TEP1: variants seen among roughly 807,000 people sequenced by gnomAD.
TEP1 encodes the protein telomerase protein component 1.
TEP1 carries 241 observed loss-of-function variants against 306.3 expected under a neutral mutation model. The observed-to-expected ratio is 0.79, with a 90% confidence interval of 0.71 to 0.88. The LOEUF is 0.88. TEP1 is among the 40% of genes least tolerant of loss of function. The probability of loss-of-function intolerance (pLI) is 0.00; values close to 1 mark genes in which losing one functional copy is unlikely to be tolerated. For missense variants in TEP1, 3,051 were observed against 3,276.1 expected (o/e 0.93, Z 1.68); for synonymous variants, 1,289 against 1,305.5 (o/e 0.99, Z 0.27).
rs1884455657 is a variant in TEP1 at position 20,365,956 on chromosome 14, T to C, written c.*2481A>G. On this transcript the variant is annotated 3_prime_UTR_variant, in exon 55 of 55. Coordinates refer to ENST00000262715, the MANE Select transcript of TEP1 (RefSeq NM_007110.5). ...GGTCTCACAATCCAGTGGTTATAAC[T>C]GTAAAACTCATCCAGCCTTTGGGAG... 1 of 152,252 alleles carries C rather than the reference T, an allele frequency of 6.6e-6. No individual in the cohort carries two copies. The highest frequency in any genetic ancestry group is 2.4e-5 in the African/African-American group (1 of 41,468). 9.4% of individuals were successfully genotyped at this position (152,252 alleles called of 1,614,324 possible).
rs1878935920 is a variant in TEP1, at chr14:20,403,632, T to A, written c.1194+91A>T. The A allele has an allele frequency of 5.6e-6, 9 of 1,597,510 alleles. No homozygotes were observed. In the South Asian group the frequency reaches 1.0e-4, roughly 18 times the overall value. On this transcript the variant is annotated intron_variant, in intron 6 of 54. Transcript: ENST00000262715. ...GCATTTCTCTGACTCCCTTTGCTCC[T>A]GGTGTGGGACTCCCCAGCATCAGCA...
In TEP1 at chr14:20,396,728, T is replaced by C. The variant is rs753832465; in HGVS notation, c.1552A>G (p.Asn518Asp). ...ATGGCCATGAAGGGAAGCTTCCCAT[T>C]TTCTGTGGAATGTGGGGCATAGAGT... ...KASVWEELIE[N>D]GKLPFMAMLR... The change falls in exon 10 of 55, where the codon AAT becomes GAT. Residue 518 changes from asparagine to aspartate, a missense_variant and splice_region_variant. By Grantham distance (23) the Asn-to-Asp change is conservative. This residue lies in a region of TEP1 where 1,507 missense variants were observed against 1,550.5 expected (regional missense o/e 0.97). Transcript: ENST00000262715. 6.2e-7 allele frequency: 1 copy of C among 1,603,242 alleles called. No homozygotes were observed. The highest frequency in any genetic ancestry group is 1.1e-5 in the South Asian group (1 of 90,014).
chr14:20,385,256 TG>T (rs1257985830), intron 20 of TEP1, 147 bp from the exon 21 acceptor site: 5 of 970,740 alleles, frequency 5.2e-6, no homozygotes, highest in East Asian at 2.7e-5. Flanking sequence ...TAATAGCTAA[TG>T]TTTTTTATTT....
At chr14:20,388,915 T>C (rs563272661) in intron 17 of TEP1, among the ~76,000 whole-genome samples, 6 of 152,122 alleles carry the variant, frequency 3.9e-5, no homozygotes. Context: ...TTTGGGAGGC[T>C]GAGGTGGGTG....
chr14:20,389,543 G>T (rs1363698502), intron 16 of TEP1, 67 bp downstream of exon 16: 2 of 1,590,610 alleles, frequency 1.3e-6, no homozygotes, highest in Non-Finnish European at 1.7e-6. Context: ...CTATGCTTTG[G>T]CAGGCGTAGA....
At chr14:20,387,284 C>A (rs1317630456) in intron 18 of TEP1, among the ~76,000 whole-genome samples, 1 of 147,414 alleles carries the variant, frequency 6.8e-6, no homozygotes, top group Non-Finnish European at 1.5e-5. Context: ...CGATGGCTCA[C>A]GCCTGTAATC....
intron 20 of TEP1, among the ~76,000 whole-genome samples, chr14:20,385,310 A>G (rs886302725): frequency 1.3e-5 from 2 of 152,048 alleles, no homozygotes; most frequent in Non-Finnish European, 2.9e-5. Flanking sequence ...AATAGCTAAC[A>G]TTCATTGAAT....
At position 20,381,487 on chromosome 14, in the gene TEP1, G is replaced by A. The variant is rs1876523521; in HGVS notation, c.4558+66C>T. The A allele has an allele frequency of 6.2e-7, 1 of 1,612,396 alleles. No homozygotes were observed. Among genetic ancestry groups the A allele is most frequent in the Non-Finnish European group, 8.5e-7 (1 of 1,179,824 alleles). ...GCTGGCCAGCAGATGGGAGCACAGT[G>A]GGTGGTCCTGGCCTCCAGGCCCAAG... On this transcript the variant is annotated intron_variant, in intron 31 of 54. Coordinates refer to ENST00000262715, the MANE Select transcript of TEP1 (RefSeq NM_007110.5). The surrounding 1 kb of genome is among the most constrained non-coding windows in gnomAD (Gnocchi z 4.0).
At position 20,404,504 on chromosome 14, in the gene TEP1, G is replaced by A. The variant is rs951525578; in HGVS notation, c.1032+107C>T. 29 of 1,401,714 alleles carry A rather than the reference G, an allele frequency of 2.1e-5. No individual in the cohort carries two copies. The Admixed American group carries it at 2.5e-4, about 12-fold the overall frequency. The allele number at this position is 1,401,714 out of a possible 1,614,324, so 86.8% of individuals were successfully genotyped here. A position where few individuals can be genotyped will look rare whatever the true frequency, so the allele number is the denominator to read the frequency against. ...GTCCTGTCTGGGCACCAATGCTGAGGAAAGCTGAGGGGAAACCAAATTGCC... is the reference window on the plus strand; with the variant it reads ...GTCCTGTCTGGGCACCAATGCTGAGAAAAGCTGAGGGGAAACCAAATTGCC... On this transcript the variant is annotated intron_variant, in intron 5 of 54. Transcript: ENST00000262715.
intron 2 of TEP1, 84 bp downstream of exon 2, chr14:20,407,789 G>A: frequency 8.0e-7 from 1 of 1,243,230 alleles, no homozygotes; most frequent in Non-Finnish European, 1.1e-6. Flanking sequence ...GAGCAGCACA[G>A]AGGGAAACTG....
chr14:20,385,651 G>A lies in TEP1; in HGVS notation c.2982+424C>T, dbSNP rs999778597. Among the ~76,000 whole-genome samples, 6 of 152,218 alleles carry A rather than the reference G, an allele frequency of 3.9e-5. 1 individual carries two copies. The highest frequency in any genetic ancestry group is 8.8e-5 in the Non-Finnish European group (6 of 68,042). On this transcript the variant is annotated intron_variant, in intron 20 of 54. Transcript: ENST00000262715. Reference sequence around the variant, plus strand: ...GTCTCCCAAACTGCTGGGATTATAGGCGTGAGCCACTGCACCTGGCCCTGT... The same window carrying A: ...GTCTCCCAAACTGCTGGGATTATAGACGTGAGCCACTGCACCTGGCCCTGT...
At chr14:20,368,658 C>A in intron 54 of TEP1, 99 bp from the exon 55 acceptor site, 1 of 1,562,312 alleles carries the variant, frequency 6.4e-7, no homozygotes, top group South Asian at 1.1e-5. Flanking sequence ...ACAGGTTAGT[C>A]ATACATTGCA....
chr14:20,412,892 T>C (rs555272032), intron 1 of TEP1, among the ~76,000 whole-genome samples: 1 of 152,060 alleles, frequency 6.6e-6, no homozygotes, highest in African/African-American at 2.4e-5. Context: ...ACTCCTGACC[T>C]CAGGTGATCC....
chr14:20,396,808 A>T, intron 9 of TEP1, 78 bp from the exon 10 acceptor site: 3 of 1,005,110 alleles, frequency 3.0e-6, no homozygotes, highest in Non-Finnish European at 3.0e-6. Flanking sequence ...AATCTCAGCT[A>T]CCAAGGAGGC....
chr14:20,404,319 T>C (rs927951991), intron 5 of TEP1, among the ~76,000 whole-genome samples: 2 of 143,718 alleles, frequency 1.4e-5, no homozygotes, highest in Admixed American at 7.2e-5. Flanking sequence ...CACGCCATTG[T>C]ACTCCAGCCT....
chr14:20,409,960 T>G (rs1195683697), intron 1 of TEP1, among the ~76,000 whole-genome samples: 2 of 132,504 alleles, frequency 1.5e-5, no homozygotes, highest in Non-Finnish European at 3.1e-5. Flanking sequence ...AGGCGGAGCT[T>G]GCAGTGAGCC....
At chr14:20,369,917 A>ATTCTTTT in intron 51 of TEP1, 138 bp from the exon 52 acceptor site, 1 of 589,372 alleles carries the variant, frequency 1.7e-6, no homozygotes, top group Non-Finnish European at 2.8e-6. Flanking sequence ...CAAGTGCGCA[A>ATTCTTTT]ATTTTTTTTT....
At chr14:20,392,332 T>G (rs1019023293) in intron 12 of TEP1, among the ~76,000 whole-genome samples, 28 of 152,220 alleles carry the variant, frequency 1.8e-4, no homozygotes, top group African/African-American at 6.5e-4. Context: ...CATTAACTAC[T>G]GTGGAGAGAT....
chr14:20,403,484 A>C, intron 6 of TEP1, 36 bp from the exon 7 acceptor site: 1 of 1,613,386 alleles, frequency 6.2e-7, no homozygotes, highest in African/African-American at 1.3e-5. Context: ...AAAAAAAGGG[A>C]ACTGGCTGTC....
Sources: gnomAD v4.1 joint callset for allele counts (sites outside exome capture counted in the v4.1 genomes callset) on GRCh38, gnomAD v4.1.1 for gene constraint, gnomAD v4.1.1 regional missense constraint, Gnocchi (gnomAD v3.1) non-coding constraint, MANE v1.5 for transcripts, NCBI Gene and HGNC (gene_info 2026-07-23, HGNC 2026-07-21) for gene names.